HIRA: variants seen among roughly 807,000 people sequenced by gnomAD.
HIRA encodes protein HIRA.
In HIRA, 13 loss-of-function variants were observed where a neutral mutation model predicts 126.6. The ratio of observed to expected loss-of-function variants is 0.10; its 90% confidence interval spans 0.07 to 0.16. The LOEUF (loss-of-function observed/expected upper bound fraction) is 0.16. Among genes scored for constraint, HIRA ranks in the 10% least tolerant of loss-of-function variants. HIRA has a pLI of 1.00. For missense variants in HIRA, 834 were observed against 1,314.4 expected (o/e 0.63, Z 5.65); for synonymous variants, 511 against 520.0 (o/e 0.98, Z 0.24).
At chr22:19,399,095 G>A in intron 5 of HIRA, 1 of 983,472 alleles carries the variant, frequency 1.0e-6, no homozygotes. Context: ...CATCGATGAG[G>A]GTCCGCTGTG....
chr22:19,391,474 T>C (rs540059936), intron 9 of HIRA, among the ~76,000 whole-genome samples: 12 of 148,718 alleles, frequency 8.1e-5, no homozygotes, highest in African/African-American at 3.1e-4. Flanking sequence ...TATAAAGATT[T>C]TTCTTTTTCT....
chr22:19,362,835 A>G (rs1301706071), intron 15 of HIRA, among the ~76,000 whole-genome samples: 1 of 151,782 alleles, frequency 6.6e-6, no homozygotes, highest in Non-Finnish European at 1.5e-5. Context: ...TGTTGGGATT[A>G]TGGTCGTGAG....
chr22:19,418,588 C>T (rs1020271822), intron 1 of HIRA, among the ~76,000 whole-genome samples: 2 of 68,080 alleles, frequency 2.9e-5, no homozygotes, highest in Admixed American at 1.6e-4. Context: ...GCCGAGATCG[C>T]GCCTGTTCCA....
At chr22:19,361,475 GA>G in intron 16 of HIRA, 134 bp from the exon 17 acceptor site, 1 of 800,620 alleles carries the variant, frequency 1.2e-6, no homozygotes, top group South Asian at 1.6e-5. Flanking sequence ...AAGCAGAGGG[GA>G]ATGCTACAAG....
intron 24 of HIRA, among the ~76,000 whole-genome samples, chr22:19,344,058 A>G (rs1316200030): frequency 6.6e-6 from 1 of 152,126 alleles, no homozygotes; most frequent in East Asian, 1.9e-4. Flanking sequence ...AAATGAAAAT[A>G]CAACATACCA....
intron 12 of HIRA, among the ~76,000 whole-genome samples, chr22:19,384,234 G>A (rs967467553): frequency 7.0e-6 from 1 of 142,964 alleles, no homozygotes; most frequent in Non-Finnish European, 1.5e-5. Flanking sequence ...TGAGGCAGGA[G>A]AATCGCCTGA....
At chr22:19,390,187 G>A (rs938558759) in intron 9 of HIRA, among the ~76,000 whole-genome samples, 5 of 151,966 alleles carry the variant, frequency 3.3e-5, no homozygotes, top group South Asian at 2.1e-4. Context: ...CTTAGAAACC[G>A]CCACAGTTCT....
intron 23 of HIRA, among the ~76,000 whole-genome samples, chr22:19,352,753 G>A (rs543136332): frequency 5.9e-5 from 9 of 152,338 alleles, no homozygotes; most frequent in African/African-American, 2.2e-4. Context: ...CACAGAGAGA[G>A]CTCTGGGAGG....
intron 5 of HIRA, among the ~76,000 whole-genome samples, chr22:19,401,727 G>A (rs1354581333): frequency 1.3e-5 from 2 of 152,140 alleles, no homozygotes; most frequent in African/African-American, 4.8e-5. Flanking sequence ...CAGGAAATCC[G>A]CCTCTGATCA....
chr22:19,411,872 A>G (rs1239244742), intron 1 of HIRA, among the ~76,000 whole-genome samples: 1 of 152,242 alleles, frequency 6.6e-6, no homozygotes, highest in African/African-American at 2.4e-5. Flanking sequence ...AAGTCCTGCC[A>G]GGGCTCCCAT....
chr22:19,335,947 G>A (rs782753751), intron 24 of HIRA, among the ~76,000 whole-genome samples: 8 of 152,152 alleles, frequency 5.3e-5, no homozygotes, highest in Non-Finnish European at 8.8e-5. Context: ...TTACTGTACT[G>A]CACTTTCTCA....
rs1434403945 is a variant in HIRA at position 19,351,578 on chromosome 22, T to G, written c.2849-132A>C. ...TCAGAATAAACACATGCGTATTTTA[T>G]TGCCTACTATGGGCAAGACGCCCCT... is the stretch of plus-strand genomic sequence containing the variant. On this transcript the variant is annotated intron_variant, in intron 23 of 24. Coordinates refer to ENST00000263208, the MANE Select transcript of HIRA (RefSeq NM_003325.4). The surrounding 1 kb of genome is among the most constrained non-coding windows in gnomAD (Gnocchi z 4.8). The G allele has an allele frequency of 4.2e-6, 3 of 713,666 alleles. No homozygotes were observed. Among genetic ancestry groups the G allele is most frequent in the Non-Finnish European group, 6.9e-6 (3 of 434,486 alleles). The allele number at this position is 713,666 out of a possible 1,614,324, so 44.2% of individuals were successfully genotyped here.
At chr22:19,349,616 T>A (rs1405689410) in intron 24 of HIRA, among the ~76,000 whole-genome samples, 1 of 152,230 alleles carries the variant, frequency 6.6e-6, no homozygotes, top group African/African-American at 2.4e-5. Context: ...TAGATTTTTT[T>A]AGCAATAACA....
intron 3 of HIRA, 63 bp from the exon 4 acceptor site, chr22:19,407,337 A>C: frequency 7.6e-7 from 1 of 1,309,450 alleles, no homozygotes; most frequent in Non-Finnish European, 1.1e-6. Flanking sequence ...CTTTATGTAG[A>C]GTTTGGCAAG....
chr22:19,381,187 GCT>G (rs1438738759), intron 13 of HIRA, among the ~76,000 whole-genome samples: 2 of 152,124 alleles, frequency 1.3e-5, no homozygotes, highest in East Asian at 1.9e-4. Flanking sequence ...TTCTTTATGT[GCT>G]CTGAGGGTAG....
rs1556011789 is a variant in HIRA, at chr22:19,354,122, G to T, written c.2562-4C>A. ...CTGCTTGTCAGAAACCAGGTTCCTG[G>T]GGAGGCAAAGGCAGGAGCAGAGCTC... On this transcript the variant is annotated splice_polypyrimidine_tract_variant and splice_region_variant and intron_variant, in intron 21 of 24. Coordinates refer to ENST00000263208, the MANE Select transcript of HIRA (RefSeq NM_003325.4). 6.2e-7 allele frequency: 1 copy of T among 1,612,194 alleles called. No individual in the cohort carries two copies. Among genetic ancestry groups the T allele is most frequent in the Middle Eastern group, 1.6e-4 (1 of 6,062 alleles).
intron 18 of HIRA, among the ~76,000 whole-genome samples, chr22:19,357,693 A>T (rs534703105): frequency 6.6e-6 from 1 of 152,280 alleles, no homozygotes; most frequent in African/African-American, 2.4e-5. Flanking sequence ...GTGAGGCTGG[A>T]GCTCAGACGC....
chr22:19,356,433 C>T (rs2088812732), intron 19 of HIRA, 145 bp from the exon 20 acceptor site: 1 of 673,786 alleles, frequency 1.5e-6, no homozygotes, highest in Non-Finnish European at 2.6e-6. Flanking sequence ...CTACGAGTGG[C>T]TTCTGCTCTC....
chr22:19,364,948 C>A (rs1228624548), intron 15 of HIRA, among the ~76,000 whole-genome samples: 1 of 152,156 alleles, frequency 6.6e-6, no homozygotes, highest in Non-Finnish European at 1.5e-5. Flanking sequence ...CCAGTGAACA[C>A]ATGTTTGAAA....
Sources: gnomAD v4.1 joint callset for allele counts (sites outside exome capture counted in the v4.1 genomes callset) on GRCh38, gnomAD v4.1.1 for gene constraint, Gnocchi (gnomAD v3.1) non-coding constraint, MANE v1.5 for transcripts, NCBI Gene and HGNC (gene_info 2026-07-23, HGNC 2026-07-21) for gene names.